CASK: variants seen among roughly 807,000 people sequenced by gnomAD.
CASK encodes the protein peripheral plasma membrane protein CASK.
A neutral mutation model predicts 82.9 loss-of-function variants in CASK; 4 were observed. The observed-to-expected ratio is 0.05, with a 90% confidence interval of 0.02 to 0.11. The LOEUF is 0.11. Among genes scored for constraint, CASK ranks in the 10% least tolerant of loss-of-function variants. The probability of loss-of-function intolerance (pLI) is 1.00; values close to 1 mark genes in which losing one functional copy is unlikely to be tolerated. For synonymous variants in CASK, 259 were observed against 253.5 expected, an observed-to-expected ratio of 1.02 and a Z score of -0.20; for missense variants, 358 against 720.9, an observed-to-expected ratio of 0.50 and a Z score of 5.76.
chrX:41,597,085 T>C (rs376328915), intron 12 of CASK, among the ~76,000 whole-genome samples: 328 of 112,649 alleles, frequency 2.9e-3, no homozygotes, highest in African/African-American at 9.1e-3. Flanking sequence ...CATTATCTTC[T>C]GATTTCTTAG....
At chrX:41,581,502 C>T (rs1210868480) in intron 14 of CASK, among the ~76,000 whole-genome samples, 1 of 110,089 alleles carries the variant, frequency 9.1e-6, no homozygotes, top group Non-Finnish European at 1.9e-5. Flanking sequence ...AATGTTAAAT[C>T]CTCATGTTAT....
rs776197741 is a variant in CASK at position 41,822,419 on chromosome X, G to A, written c.172+30696C>T. 4.6e-5 allele frequency among the ~76,000 whole-genome samples: 5 copies of A among 108,910 alleles called. No individual in the cohort carries two copies. The East Asian group carries it at 8.7e-4, about 19-fold the overall frequency. 94.6% of individuals were successfully genotyped at this position (108,910 alleles called of 115,157 possible). A position where few individuals can be genotyped will look rare whatever the true frequency, so the allele number is the denominator to read the frequency against. Reference sequence around the variant, plus strand: ...CTAAAACACAAAAGATTAGCTGGGCGTGGTGGTGTGCACCTGTAGTCCCAG... The same window carrying A: ...CTAAAACACAAAAGATTAGCTGGGCATGGTGGTGTGCACCTGTAGTCCCAG... On this transcript the variant is annotated intron_variant, in intron 2 of 26. Transcript: ENST00000378163.
In CASK at chrX:41,688,896, C is replaced by T. The variant is rs748816441; in HGVS notation, c.430-17366G>A. The stretch of plus-strand genomic sequence containing the variant: ...AAAAGGAATCTGAGAGTTGTCATAC[C>T]GAAAAAAGAAAAAAAAAAAGAGGGG... On this transcript the variant is annotated intron_variant, in intron 5 of 26. Coordinates refer to ENST00000378163, the MANE Select transcript of CASK (RefSeq NM_001367721.1). The T allele has an allele frequency of 3.0e-5, 3 of 99,950 alleles. No individual in the cohort carries two copies. The East Asian group carries it at 9.1e-4, about 30-fold the overall frequency. 8.2% of individuals were successfully genotyped at this position (99,950 alleles called of 1,213,427 possible).
At position 41,534,742 on chromosome X, in the gene CASK, T is replaced by C. The variant is rs1441824315; in HGVS notation, c.2281A>G (p.Thr761Ala). Residue 761 changes from threonine to alanine, a missense_variant, in exon 24 of 27, where the codon ACA becomes GCA. Thr to Ala is a moderately conservative substitution (Grantham distance 58). Around this residue, in one of 5 missense-constraint regions of CASK, gnomAD observed 118 missense variants for 169.4 expected, o/e 0.70. Transcript: ENST00000378163. ...TACGCAAACCGGTCTGGGTGCTTTG[T>C]GATGAGAGTGTTTTTTATGTGTCTT... ...GRRHIKNTLI[T>A]KHPDRFAYPI... is the part of the protein sequence containing the mutation. The C allele has an allele frequency of 8.3e-7, 1 of 1,209,506 alleles. No homozygotes were observed. Among genetic ancestry groups the C allele is most frequent in the South Asian group, 1.8e-5 (1 of 56,955 alleles).
intron 1 of CASK, among the ~76,000 whole-genome samples, chrX:41,905,902 T>C (rs2072461660): frequency 8.9e-6 from 1 of 112,669 alleles, no homozygotes; most frequent in South Asian, 3.6e-4. Context: ...AAATTCTCCA[T>C]TCCATTTCAA....
chrX:41,529,957 G>C (rs758607602), intron 25 of CASK, among the ~76,000 whole-genome samples: 1 of 111,879 alleles, frequency 8.9e-6, no homozygotes, highest in East Asian at 2.8e-4. Flanking sequence ...CCTTGCTTTA[G>C]GGATGGTTAG....
intron 1 of CASK, among the ~76,000 whole-genome samples, chrX:41,917,912 T>C (rs1347307164): frequency 9.0e-6 from 1 of 111,677 alleles, no homozygotes; most frequent in Non-Finnish European, 1.9e-5. Context: ...TCAAAAGGAT[T>C]TTCCTCTGTA....
At chrX:41,869,675 C>A (rs970172251) in intron 1 of CASK, among the ~76,000 whole-genome samples, 1 of 105,952 alleles carries the variant, frequency 9.4e-6, no homozygotes, top group Non-Finnish European at 1.9e-5. Flanking sequence ...TAGCTGGGTG[C>A]AGTGGCGCGC....
At position 41,891,893 on chromosome X, in the gene CASK, G is replaced by A. The variant is rs1040047689; in HGVS notation, c.59+31037C>T. On this transcript the variant is annotated intron_variant, in intron 1 of 26. Coordinates refer to ENST00000378163, the MANE Select transcript of CASK (RefSeq NM_001367721.1). ...AAAACTAATACTTTCATTGGTTATC[G>A]AAGAGACACAAAATAGCTGGGCATG... 4.5e-5 allele frequency among the ~76,000 whole-genome samples: 5 copies of A among 111,659 alleles called. No individual in the cohort carries two copies. The Admixed American group carries it at 4.7e-4, about 11-fold the overall frequency.
At position 41,629,054 on chromosome X, in the gene CASK, A is replaced by G. The variant is rs17146080; in HGVS notation, c.916-2351T>C. Among the ~76,000 whole-genome samples the G allele has an allele frequency of 6.8e-3, 764 of 112,512 alleles. 3 individuals are homozygous for G. The highest frequency in any genetic ancestry group is 0.023 in the African/African-American group (705 of 31,040). On this transcript the variant is annotated intron_variant, in intron 9 of 26. Transcript: ENST00000378163. The stretch of plus-strand genomic sequence containing the variant: ...ATACTACTAGGAAAACAGTATCTAA[A>G]AGAGCCCTGAGATGCAAATGCTTTT...
chrX:41,842,363 G>C (rs889083559), intron 2 of CASK, among the ~76,000 whole-genome samples: 73 of 110,052 alleles, frequency 6.6e-4, no homozygotes, highest in African/African-American at 2.4e-3. Flanking sequence ...CTGAGGTCAG[G>C]AGTTTAAGAC....
At chrX:41,802,359 C>A (rs1459223452) in intron 2 of CASK, among the ~76,000 whole-genome samples, 1 of 110,478 alleles carries the variant, frequency 9.1e-6, no homozygotes, top group Non-Finnish European at 1.9e-5. Context: ...CAAAGTAGAG[C>A]AAAAAGATAA....
intron 8 of CASK, among the ~76,000 whole-genome samples, chrX:41,638,417 G>T (rs2066594321): frequency 9.0e-6 from 1 of 110,725 alleles, no homozygotes; most frequent in Non-Finnish European, 1.9e-5. Flanking sequence ...GCCAGGCGTG[G>T]TGGCATGCAC....
intron 15 of CASK, among the ~76,000 whole-genome samples, chrX:41,573,391 G>A (rs1032480538): frequency 3.6e-5 from 4 of 109,826 alleles, no homozygotes; most frequent in Admixed American, 9.8e-5. Flanking sequence ...GTTTTCAGGC[G>A]TTATTTCTTC....
chrX:41,577,601 C>A (rs2065500992), intron 15 of CASK, among the ~76,000 whole-genome samples: 1 of 111,887 alleles, frequency 8.9e-6, no homozygotes, highest in South Asian at 3.8e-4. Context: ...ATGGTGCCTT[C>A]TTTCCATTGG....
At chrX:41,527,272 T>G (rs902846006) in intron 25 of CASK, among the ~76,000 whole-genome samples, 3 of 105,809 alleles carry the variant, frequency 2.8e-5, no homozygotes, top group Non-Finnish European at 3.9e-5. Context: ...TGTGTGTGTG[T>G]AGAGAGAGAG....
At chrX:41,655,265 G>T (rs1303102449) in intron 8 of CASK, among the ~76,000 whole-genome samples, 2 of 111,153 alleles carry the variant, frequency 1.8e-5, no homozygotes, top group Non-Finnish European at 3.8e-5. Context: ...TGAGAAGCTG[G>T]AGTGCTGGTA....
chrX:41,713,036 C>T (rs937209077), intron 5 of CASK, among the ~76,000 whole-genome samples: 9 of 111,733 alleles, frequency 8.1e-5, no homozygotes, highest in African/African-American at 2.6e-4. Context: ...AATAAAACTC[C>T]GCTCTCCTGC....
At chrX:41,547,691 T>C (rs915370020) in intron 21 of CASK, among the ~76,000 whole-genome samples, 15 of 109,022 alleles carry the variant, frequency 1.4e-4, no homozygotes, top group African/African-American at 4.7e-4. Flanking sequence ...GGCGCGATCT[T>C]GGCTCACTGC....
Sources: gnomAD v4.1 joint callset for allele counts (sites outside exome capture counted in the v4.1 genomes callset) on GRCh38, gnomAD v4.1.1 for gene constraint, gnomAD v4.1.1 regional missense constraint, MANE v1.5 for transcripts, NCBI Gene and HGNC (gene_info 2026-07-23, HGNC 2026-07-21) for gene names.